NVL: variants seen among roughly 807,000 people sequenced by gnomAD.
NVL encodes the protein nuclear VCP like, also known as nuclear valosin-containing protein-like.
NVL carries 84 observed loss-of-function variants against 110.2 expected under a neutral mutation model. The ratio of observed to expected loss-of-function variants is 0.76; its 90% CI spans 0.64 to 0.91. The LOEUF (loss-of-function observed/expected upper bound fraction) is 0.91. Among genes scored for constraint, NVL ranks in the 40% least tolerant of loss-of-function variants. The pLI is 0.00. For missense variants in NVL, 882 were observed against 1,035.9 expected (o/e 0.85, Z 2.04); for synonymous variants, 354 against 361.1 (o/e 0.98, Z 0.22).
At chr1:224,316,429 T>C (rs866403612) in intron 4 of NVL, among the ~76,000 whole-genome samples, 5 of 152,022 alleles carry the variant, frequency 3.3e-5, no homozygotes, top group Admixed American at 6.6e-5. Flanking sequence ...CTCGCACCTA[T>C]AATCCCAACA....
intron 17 of NVL, chr1:224,269,936 CTT>C (rs11375664): frequency 4.6e-5 from 6 of 131,746 alleles, no homozygotes; most frequent in Admixed American, 8.1e-5. Flanking sequence ...CTTTTTCTTT[CTT>C]TTTTTTTTTT....
At chr1:224,232,910 C>T (rs540251617) in intron 21 of NVL, 5 of 256,790 alleles carry the variant, frequency 1.9e-5, no homozygotes, top group Admixed American at 1.1e-4. Context: ...CAAAAGAATA[C>T]GTTTTTCCAG....
chr1:224,326,523 A>G, intron 1 of NVL, 59 bp from the exon 2 acceptor site: 2 of 1,140,524 alleles, frequency 1.8e-6, no homozygotes, highest in Non-Finnish European at 1.3e-6. Flanking sequence ...AGTGATTTTA[A>G]TCAACAGATT....
At chr1:224,301,242 T>C (rs1281127485) in intron 9 of NVL, among the ~76,000 whole-genome samples, 1 of 152,200 alleles carries the variant, frequency 6.6e-6, no homozygotes, top group African/African-American at 2.4e-5. Flanking sequence ...AGAGGTATGT[T>C]ATCCCCACTT....
intron 5 of NVL, 79 bp from the exon 6 acceptor site, chr1:224,308,342 A>G: frequency 7.7e-7 from 1 of 1,292,760 alleles, no homozygotes; most frequent in Non-Finnish European, 1.1e-6. Context: ...TATAGTAATA[A>G]GTTTTCTATA....
intron 18 of NVL, among the ~76,000 whole-genome samples, chr1:224,254,279 G>A (rs113031234): frequency 0.012 from 1,854 of 148,686 alleles, 15 homozygotes; most frequent in Middle Eastern, 0.026. Flanking sequence ...TTTTAGTAGA[G>A]ACGGGGTTTC....
At chr1:224,286,178 C>A in intron 14 of NVL, 48 bp from the exon 15 acceptor site, 1 of 1,306,754 alleles carries the variant, frequency 7.7e-7, no homozygotes, top group Non-Finnish European at 1.1e-6. Context: ...CCATTTTATA[C>A]TGCAGGTTCA....
chr1:224,316,668 A>AG (rs1670101576), intron 4 of NVL, among the ~76,000 whole-genome samples: 1 of 151,184 alleles, frequency 6.6e-6, no homozygotes, highest in Non-Finnish European at 1.5e-5. Flanking sequence ...GTCTCAAAAA[A>AG]AAAAAAAAAA....
chr1:224,268,096 G>A lies in NVL; in HGVS notation c.2120C>T (p.Thr707Ile). Residue 707 changes from threonine (T) to isoleucine (I), a missense_variant, in exon 18 of 23, where the codon ACA (threonine) becomes ATA (isoleucine). Transcript: ENST00000281701. ...GCGTGCTTCCAGACCATCCATCTCT[G>A]TAAGTAGCTGATTCACCACTCGGAC... ...ASVRVVNQLL[T>I]EMDGLEARQQ... 1 of 1,613,922 alleles carries A rather than the reference G, an allele frequency of 6.2e-7. No homozygotes were observed. Among genetic ancestry groups the A allele is most frequent in the Non-Finnish European group, 8.5e-7 (1 of 1,179,936 alleles).
intron 4 of NVL, among the ~76,000 whole-genome samples, chr1:224,316,290 T>C (rs1670053493): frequency 6.6e-6 from 1 of 152,128 alleles, no homozygotes; most frequent in Non-Finnish European, 1.5e-5. Context: ...AATCTCAAAA[T>C]CATGCTAAGT....
In NVL at chr1:224,294,391, T is replaced by C; in HGVS notation, c.1201A>G (p.Thr401Ala). 1.9e-6 allele frequency: 3 copies of C among 1,614,130 alleles called. No homozygotes were observed. The highest frequency in any genetic ancestry group is 1.7e-6 in the Non-Finnish European group (2 of 1,180,040). ...CMDDLNNVAA[T>A]ARVLVIGATN... ...GCTCCAATAACTAGGACCCGGGCTGTAGCAGCCACATTATTCAGATCTAGT... is the reference window on the plus strand; with the variant it reads ...GCTCCAATAACTAGGACCCGGGCTGCAGCAGCCACATTATTCAGATCTAGT... Residue 401 changes from threonine to alanine, a missense_variant, in exon 12 of 23, where the codon ACA becomes GCA. Transcript: ENST00000281701.
intron 18 of NVL, among the ~76,000 whole-genome samples, chr1:224,267,708 T>C (rs1041694508): frequency 2.1e-5 from 3 of 144,236 alleles, no homozygotes; most frequent in African/African-American, 7.6e-5. Flanking sequence ...AAAAAAAAAG[T>C]GTATGCTGCA....
chr1:224,316,897 G>C (rs1178269663), intron 4 of NVL, among the ~76,000 whole-genome samples: 1 of 152,046 alleles, frequency 6.6e-6, no homozygotes, highest in Non-Finnish European at 1.5e-5. Flanking sequence ...CAGCACTTTG[G>C]GAGGCCAAGA....
chr1:224,285,783 A>T (rs1029188175), intron 15 of NVL, among the ~76,000 whole-genome samples: 20 of 152,324 alleles, frequency 1.3e-4, no homozygotes, highest in Admixed American at 1.2e-3. Context: ...AATACACAGA[A>T]AATATAATAA....
intron 18 of NVL, among the ~76,000 whole-genome samples, chr1:224,258,979 TAAAA>T (rs34767555): frequency 1.7e-5 from 1 of 60,198 alleles, no homozygotes; most frequent in Non-Finnish European, 3.2e-5. Flanking sequence ...GTCTCTACAT[TAAAA>T]AAAAAAAAAA....
chr1:224,312,978 G>C (rs184361527), intron 4 of NVL: 3 of 200,940 alleles, frequency 1.5e-5, no homozygotes, highest in Admixed American at 1.5e-4. Context: ...GGCAACTAAG[G>C]GAGACTCTGT....
intron 18 of NVL, among the ~76,000 whole-genome samples, chr1:224,253,357 G>T (rs1413385109): frequency 6.6e-6 from 1 of 151,444 alleles, no homozygotes; most frequent in Non-Finnish European, 1.5e-5. Context: ...GGCTGTATAT[G>T]CTTTCATTTC....
chr1:224,303,922 T>C, intron 8 of NVL, 65 bp from the exon 9 acceptor site: 2 of 1,511,392 alleles, frequency 1.3e-6, no homozygotes, highest in Non-Finnish European at 1.8e-6. Context: ...TGAAATGTCC[T>C]ATTTTTCGGA....
At position 224,289,343 on chromosome 1, in the gene NVL, G is replaced by A. The variant is rs1322385210; in HGVS notation, c.1575+141C>T. ...TATTTTTGAAATGATAAACATCGTG[G>A]GTATAAATGATAAGTATTCTATAGA... On this transcript the variant is annotated intron_variant, in intron 13 of 22. Transcript: ENST00000281701. 4 of 670,128 alleles carry A rather than the reference G, an allele frequency of 6.0e-6. 1 individual carries two copies. The highest frequency in any genetic ancestry group is 5.7e-5 in the South Asian group (2 of 35,334). The allele number at this position is 670,128 out of a possible 1,614,324, so 41.5% of individuals were successfully genotyped here.
Sources: allele counts gnomAD v4.1 joint callset (sites outside exome capture counted in the v4.1 genomes callset), GRCh38; gene constraint gnomAD v4.1.1; transcripts MANE v1.5; gene names NCBI Gene and HGNC (gene_info 2026-07-23, HGNC 2026-07-21).